Variants in STAU2 observed in about 807,000 individuals in gnomAD.
STAU2 encodes the protein double-stranded RNA-binding protein Staufen homolog 2.
STAU2 carries 20 observed loss-of-function variants against 65.9 expected under a neutral mutation model. The observed-to-expected ratio is 0.30, with a 90% CI of 0.21 to 0.44. The LOEUF is 0.44. Among genes scored for constraint, STAU2 ranks in the 20% least tolerant of loss-of-function variants. The pLI, the probability that STAU2 is intolerant of heterozygous loss-of-function variation, is 1.00. For missense variants in STAU2, 558 were observed against 683.9 expected (o/e 0.82, Z 2.05); for synonymous variants, 232 against 233.9 (o/e 0.99, Z 0.07).
At chr8:73,624,362 C>T (rs151120954) in intron 6 of STAU2, among the ~76,000 whole-genome samples, 1 of 152,338 alleles carries the variant, frequency 6.6e-6, no homozygotes, top group Non-Finnish European at 1.5e-5. Context: ...TGTAAACACA[C>T]AATCACCACC....
At position 73,595,239 on chromosome 8, in the gene STAU2, T is replaced by C. The variant is rs762128497; in HGVS notation, c.1088A>G (p.Lys363Arg). The change falls in exon 11 of 15, where the codon AAA becomes AGA. Residue 363 changes from lysine to arginine, a missense_variant. Transcript: ENST00000524300. The stretch of plus-strand genomic sequence containing the variant: ...TAACAGCATTGCTTCTGCAGCATTT[T>C]TTTTGGCTATCTTTTTATTAGGTCC... Reference protein sequence around the residue: ...GTGPNKKIAKKNAAEAMLLQL... With the variant: ...GTGPNKKIAKRNAAEAMLLQL... 1 of 1,612,338 alleles carries C rather than the reference T, an allele frequency of 6.2e-7. No homozygotes were observed. Among genetic ancestry groups the C allele is most frequent in the Non-Finnish European group, 8.5e-7 (1 of 1,179,348 alleles).
chr8:73,594,667 C>A (rs1348420243), intron 11 of STAU2, among the ~76,000 whole-genome samples: 5 of 152,232 alleles, frequency 3.3e-5, no homozygotes, highest in Middle Eastern at 3.4e-3. Context: ...AATAGGGGAC[C>A]ATGAACACAG....
intron 12 of STAU2, chr8:73,561,334 T>C: frequency 3.3e-6 from 1 of 306,582 alleles, no homozygotes; most frequent in Non-Finnish European, 6.4e-6. Flanking sequence ...GGCTCAGCTT[T>C]TCAATAAAGA....
chr8:73,546,523 G>A lies in STAU2; in HGVS notation c.1530+5489C>T, dbSNP rs555243362. Among the ~76,000 whole-genome samples, 4 of 152,230 alleles carry A rather than the reference G, an allele frequency of 2.6e-5. No individual in the cohort carries two copies. The East Asian group carries it at 7.7e-4, about 29-fold the overall frequency. The stretch of plus-strand genomic sequence containing the variant: ...ATATGTAATGCCTACTTCACTATGG[G>A]ATATGTGAGTCCATCAATAACTGTC... On this transcript the variant is annotated intron_variant, in intron 13 of 14. Coordinates refer to ENST00000524300, the MANE Select transcript of STAU2 (RefSeq NM_001164380.2).
intron 4 of STAU2, among the ~76,000 whole-genome samples, chr8:73,701,652 C>T (rs1820111431): frequency 6.6e-6 from 1 of 152,100 alleles, no homozygotes; most frequent in African/African-American, 2.4e-5. Flanking sequence ...TTAGTACAAC[C>T]ACTATGGAGA....
intron 12 of STAU2, among the ~76,000 whole-genome samples, chr8:73,579,497 A>G (rs1809829069): frequency 6.6e-6 from 1 of 152,232 alleles, no homozygotes; most frequent in African/African-American, 2.4e-5. Flanking sequence ...AGATGTTATC[A>G]GCTGAACTGT....
At chr8:73,471,897 T>C (rs557081266) in intron 13 of STAU2, among the ~76,000 whole-genome samples, 1 of 151,552 alleles carries the variant, frequency 6.6e-6, no homozygotes, top group Admixed American at 6.6e-5. Flanking sequence ...GTAGGTAGGT[T>C]AGCACTCTCT....
intron 5 of STAU2, among the ~76,000 whole-genome samples, chr8:73,674,593 T>G (rs1024010027): frequency 1.3e-5 from 2 of 151,664 alleles, no homozygotes; most frequent in African/African-American, 4.8e-5. Context: ...AACCACATAT[T>G]CTAAAGATTT....
intron 13 of STAU2, among the ~76,000 whole-genome samples, chr8:73,529,020 C>T (rs188418594): frequency 6.6e-6 from 1 of 152,156 alleles, no homozygotes; most frequent in African/African-American, 2.4e-5. Flanking sequence ...AAACTTCTTC[C>T]TGGGAATCTA....
intron 6 of STAU2, among the ~76,000 whole-genome samples, chr8:73,659,623 T>C (rs895519508): frequency 6.6e-6 from 1 of 152,114 alleles, no homozygotes; most frequent in Non-Finnish European, 1.5e-5. Context: ...CTAAGCAAGA[T>C]TTTGCTCAAC....
chr8:73,519,131 C>G (rs1822901785), intron 13 of STAU2, among the ~76,000 whole-genome samples: 1 of 152,184 alleles, frequency 6.6e-6, no homozygotes, highest in African/African-American at 2.4e-5. Flanking sequence ...CCACACCCCA[C>G]AGCACTTGGC....
chr8:73,429,234 G>A (rs1191268663), intron 13 of STAU2, among the ~76,000 whole-genome samples: 2 of 151,994 alleles, frequency 1.3e-5, no homozygotes, highest in Admixed American at 6.6e-5. Flanking sequence ...GCATCACTCC[G>A]CCATTGTCAT....
At chr8:73,521,521 G>C (rs1213343523) in intron 13 of STAU2, among the ~76,000 whole-genome samples, 1 of 152,070 alleles carries the variant, frequency 6.6e-6, no homozygotes, top group Non-Finnish European at 1.5e-5. Flanking sequence ...TTGTAGAATT[G>C]GATTTTTATT....
At chr8:73,500,054 T>C (rs1821652260) in intron 13 of STAU2, among the ~76,000 whole-genome samples, 1 of 151,854 alleles carries the variant, frequency 6.6e-6, no homozygotes, top group African/African-American at 2.4e-5. Flanking sequence ...TTAAATAACA[T>C]ATATGTGTCT....
chr8:73,556,785 AGGTCAGT>A (rs1197465556), intron 12 of STAU2, among the ~76,000 whole-genome samples: 1 of 152,162 alleles, frequency 6.6e-6, no homozygotes, highest in Admixed American at 6.5e-5. Flanking sequence ...AACAGAAAGC[AGGTCAGT>A]GGTTGTCTGG....
chr8:73,570,225 G>T (rs1479573898), intron 12 of STAU2, among the ~76,000 whole-genome samples: 1 of 152,178 alleles, frequency 6.6e-6, no homozygotes, highest in East Asian at 1.9e-4. Context: ...AGTGATTAAA[G>T]ATTAAACTAA....
At chr8:73,515,451 T>C (rs1373914116) in intron 13 of STAU2, among the ~76,000 whole-genome samples, 1 of 152,184 alleles carries the variant, frequency 6.6e-6, no homozygotes, top group Non-Finnish European at 1.5e-5. Flanking sequence ...TTCAGCAGTT[T>C]TGGATTTGGA....
chr8:73,629,845 C>T (rs757519289), intron 6 of STAU2, among the ~76,000 whole-genome samples: 20 of 152,154 alleles, frequency 1.3e-4, no homozygotes, highest in Non-Finnish European at 2.2e-4. Context: ...TGCCTCACTG[C>T]AGCCTCAACT....
intron 3 of STAU2, among the ~76,000 whole-genome samples, chr8:73,730,825 T>C (rs981263407): frequency 3.3e-5 from 5 of 152,102 alleles, no homozygotes; most frequent in Non-Finnish European, 7.4e-5. Context: ...TGATTAATAC[T>C]GTTGTTGAGG....
Sources: gnomAD v4.1 joint callset for allele counts (sites outside exome capture counted in the v4.1 genomes callset) on GRCh38, gnomAD v4.1.1 for gene constraint, MANE v1.5 for transcripts, NCBI Gene and HGNC (gene_info 2026-07-23, HGNC 2026-07-21) for gene names.